KDM4A: variants seen among roughly 807,000 people sequenced by gnomAD.
The protein encoded by KDM4A is lysine-specific demethylase 4A.
KDM4A carries 23 observed loss-of-function variants against 127.1 expected under a neutral mutation model. The observed-to-expected ratio is 0.18, with a 90% confidence interval of 0.13 to 0.26. KDM4A has a LOEUF of 0.26. Ranked by LOEUF, KDM4A falls within the 10% of genes least tolerant of loss-of-function variation. The probability of loss-of-function intolerance (pLI) is 1.00; values close to 1 mark genes in which losing one functional copy is unlikely to be tolerated. For missense variants in KDM4A, 890 were observed against 1,329.1 expected (o/e 0.67, Z 5.14); for synonymous variants, 443 against 466.5 (o/e 0.95, Z 0.65).
At position 43,691,063 on chromosome 1, in the gene KDM4A, A is replaced by C. The variant is rs575042491; in HGVS notation, c.2242+14A>C. The C allele has an allele frequency of 6.2e-7, 1 of 1,613,178 alleles. No individual in the cohort carries two copies. Among genetic ancestry groups the C allele is most frequent in the African/African-American group, 1.3e-5 (1 of 74,972 alleles). On this transcript the variant is annotated intron_variant, in intron 14 of 21. Coordinates refer to ENST00000372396, the MANE Select transcript of KDM4A (RefSeq NM_014663.3). The stretch of plus-strand genomic sequence containing the variant: ...GGGTCCATGCCAGTGAGTGCTGCTC[A>C]CCTTTCTCTGTGTCCTGTCCCAGGA...
chr1:43,667,295 C>T (rs776011415), intron 8 of KDM4A, among the ~76,000 whole-genome samples: 2 of 152,150 alleles, frequency 1.3e-5, no homozygotes, highest in African/African-American at 2.4e-5. Context: ...AAATGAGGTT[C>T]TTAAGTCCAT....
At position 43,683,790 on chromosome 1, in the gene KDM4A, G is replaced by A. The variant is rs990786754; in HGVS notation, c.1841G>A (p.Cys614Tyr). 1.9e-6 allele frequency: 3 copies of A among 1,614,044 alleles called. No homozygotes were observed. The highest frequency in any genetic ancestry group is 8.5e-7 in the Non-Finnish European group (1 of 1,179,990). Residue 614 changes from cysteine (C) to tyrosine (Y), a missense_variant, in exon 12 of 22, where the codon TGT (cysteine) becomes TAT (tyrosine). Coordinates refer to ENST00000372396, the MANE Select transcript of KDM4A (RefSeq NM_014663.3). ...PRHHPLVLQE[C>Y]VSDDETSEQL... ...CATCACCCACTTGTGCTGCAGGAGT[G>A]TGTCAGTGATGATGGTAAGTGTTGT...
rs150907949 is a variant in KDM4A at position 43,689,039 on chromosome 1, A to G, written c.1981A>G (p.Met661Val). ...GGCTGAGAAGGAATTCAATGAGACC[A>G]TGGCCCAACAGGCCCCTCACTGCGC... Reference protein sequence around the residue: ...FEAEKEFNETMAQQAPHCAVC... With the variant: ...FEAEKEFNETVAQQAPHCAVC... Residue 661 changes from methionine to valine, a missense_variant, in exon 13 of 22, where the codon ATG (methionine) becomes GTG (valine). Around this residue, in one of 7 missense-constraint regions of KDM4A, gnomAD observed 389 missense variants for 485.9 expected, o/e 0.80. Coordinates refer to ENST00000372396, the MANE Select transcript of KDM4A (RefSeq NM_014663.3). 41 of 1,614,250 alleles carry G rather than the reference A, an allele frequency of 2.5e-5. No individual in the cohort carries two copies. The African/African-American group carries it at 3.9e-4, about 15-fold the overall frequency.
At chr1:43,656,329 G>GTTTTTT (rs11438925) in intron 3 of KDM4A, among the ~76,000 whole-genome samples, 4 of 54,178 alleles carry the variant, frequency 7.4e-5, no homozygotes, top group Non-Finnish European at 1.3e-4. Context: ...TCTGCTGTTG[G>GTTTTTT]TTTTTTTTTT....
chr1:43,702,847 A>G (rs1460979107), intron 19 of KDM4A: 1 of 152,104 alleles, frequency 6.6e-6, no homozygotes, highest in African/African-American at 2.4e-5. Context: ...ACTGGCCAAC[A>G]TGGTGAAACC....
chr1:43,702,189 C>T (rs1401158820), intron 19 of KDM4A: 1 of 152,182 alleles, frequency 6.6e-6, no homozygotes, highest in East Asian at 1.9e-4. Flanking sequence ...CTGACAGTGT[C>T]TCAGGAACCC....
Position 43,704,803 on chromosome 1 carries a change from G to GTGTA in KDM4A, c.*437_*440dup, listed in dbSNP as rs1455295363. The GTGTA allele has an allele frequency of 6.6e-5, 11 of 166,992 alleles. No homozygotes were observed. The highest frequency in any genetic ancestry group is 1.2e-4 in the Non-Finnish European group (9 of 77,424). 10.3% of individuals were successfully genotyped at this position (166,992 alleles called of 1,614,324 possible). ...TGTGTGTGCGTGCGTGCGTGCGTGC[G>GTGTA]TGTATGTTTGGTCTGGACCAGCTTC... On this transcript the variant is annotated 3_prime_UTR_variant, in exon 22 of 22. Coordinates refer to ENST00000372396, the MANE Select transcript of KDM4A (RefSeq NM_014663.3).
At chr1:43,699,850 C>G (rs371085160) in intron 19 of KDM4A, 3 of 152,082 alleles carry the variant, frequency 2.0e-5, no homozygotes, top group Middle Eastern at 3.4e-3. Context: ...CTGCCTCAGC[C>G]TCCCGAGTAG....
At chr1:43,700,370 G>T (rs148116076) in intron 19 of KDM4A, among the ~76,000 whole-genome samples, 1 of 151,740 alleles carries the variant, frequency 6.6e-6, no homozygotes, top group African/African-American at 2.4e-5. Flanking sequence ...CAAGCAATCC[G>T]CCTACCTCGG....
intron 21 of KDM4A, 52 bp from the exon 22 acceptor site, chr1:43,704,175 TCCC>T: frequency 1.9e-6 from 3 of 1,613,564 alleles, no homozygotes; most frequent in Admixed American, 1.7e-5. Flanking sequence ...CAAGGATGCA[TCCC>T]TTTGTATTGT....
intron 1 of KDM4A, among the ~76,000 whole-genome samples, chr1:43,652,286 A>G (rs1022850359): frequency 1.3e-5 from 2 of 152,154 alleles, no homozygotes; most frequent in Admixed American, 6.5e-5. Flanking sequence ...AGGGTAAAAT[A>G]TGGGCATTTT....
intron 11 of KDM4A, among the ~76,000 whole-genome samples, chr1:43,678,190 CT>C (rs1233668930): frequency 6.6e-6 from 1 of 151,838 alleles, no homozygotes; most frequent in Non-Finnish European, 1.5e-5. Context: ...TAGAGGGGGA[CT>C]TTTGTGAGGT....
rs1254260500 is a variant in KDM4A at position 43,693,570 on chromosome 1, G to A, written c.2376-424G>A. On this transcript the variant is annotated intron_variant, in intron 16 of 21. Transcript: ENST00000372396. This position sits in a 1 kb window ranked among gnomAD's most constrained non-coding sequence, Gnocchi z 4.2. The stretch of plus-strand genomic sequence containing the variant: ...AGCCTGGGGGAGAGGTTTGGGCAGA[G>A]GCCGAGAGAGAGCTGTGATTACTGG... Among the ~76,000 whole-genome samples the A allele has an allele frequency of 2.0e-5, 3 of 152,240 alleles. No homozygotes were observed. Among genetic ancestry groups the A allele is most frequent in the African/African-American group, 7.2e-5 (3 of 41,462 alleles).
At chr1:43,667,703 T>C in intron 8 of KDM4A, 69 bp from the exon 9 acceptor site, 2 of 1,598,910 alleles carry the variant, frequency 1.3e-6, no homozygotes, top group Non-Finnish European at 1.7e-6. Flanking sequence ...AGGGAGGAGC[T>C]AGGACGTGGG....
intron 11 of KDM4A, among the ~76,000 whole-genome samples, chr1:43,679,871 A>G (rs1660820342): frequency 6.6e-6 from 1 of 152,160 alleles, no homozygotes; most frequent in African/African-American, 2.4e-5. Context: ...AGAACTCAGG[A>G]GCCTTGAGTT....
chr1:43,683,826 C>T, intron 12 of KDM4A, 22 bp downstream of exon 12: 1 of 1,612,458 alleles, frequency 6.2e-7, no homozygotes, highest in Non-Finnish European at 8.5e-7. Flanking sequence ...TTTTTCTTCA[C>T]CAGGAGGAAA....
chr1:43,669,945 C>T (rs1402942381), intron 10 of KDM4A, among the ~76,000 whole-genome samples: 1 of 152,186 alleles, frequency 6.6e-6, no homozygotes, highest in Non-Finnish European at 1.5e-5. Context: ...GCGTGAGCCA[C>T]TGTTCCCAGC....
chr1:43,695,886 G>A (rs1386504588), intron 18 of KDM4A, among the ~76,000 whole-genome samples: 3 of 152,098 alleles, frequency 2.0e-5, no homozygotes, highest in Admixed American at 2.0e-4. Flanking sequence ...GATGACTCAG[G>A]TTACTCCCTT....
chr1:43,663,862 G>A (rs1402232066), intron 5 of KDM4A, among the ~76,000 whole-genome samples: 3 of 151,958 alleles, frequency 2.0e-5, no homozygotes, highest in African/African-American at 2.4e-5. Flanking sequence ...TCAAACTCCT[G>A]GGCTCAAGCA....
Sources: gnomAD v4.1 joint callset for allele counts (sites outside exome capture counted in the v4.1 genomes callset) on GRCh38, gnomAD v4.1.1 for gene constraint, gnomAD v4.1.1 regional missense constraint, Gnocchi (gnomAD v3.1) non-coding constraint, MANE v1.5 for transcripts, NCBI Gene and HGNC (gene_info 2026-07-23, HGNC 2026-07-21) for gene names.